CDH12: variants seen among roughly 807,000 people sequenced by gnomAD.
CDH12 encodes cadherin 12.
CDH12 carries 41 observed loss-of-function variants against 74.1 expected under a neutral mutation model. That is an observed-to-expected ratio of 0.55 (90% confidence interval 0.43 to 0.72). The LOEUF is 0.72. Ranked by LOEUF, CDH12 falls within the 30% of genes least tolerant of loss-of-function variation. The pLI is 0.00. For synonymous variants in CDH12, 399 were observed against 355.0 expected, an observed-to-expected ratio of 1.12 and a Z score of -1.39; for missense variants, 945 against 977.2, an observed-to-expected ratio of 0.97 and a Z score of 0.44.
At chr5:22,203,484 C>CCACT (rs1751035055) in intron 4 of CDH12, among the ~76,000 whole-genome samples, 1 of 152,082 alleles carries the variant, frequency 6.6e-6, no homozygotes, top group South Asian at 2.1e-4. Context: ...TTTTCCTTGT[C>CCACT]CACTCATCTG....
chr5:22,544,560 A>T (rs1373917939), intron 1 of CDH12, among the ~76,000 whole-genome samples: 1 of 152,150 alleles, frequency 6.6e-6, no homozygotes, highest in African/African-American at 2.4e-5. Flanking sequence ...TCACACCTAT[A>T]TTTCCAACAC....
At chr5:22,010,666 A>T (rs1021277441) in intron 5 of CDH12, among the ~76,000 whole-genome samples, 30 of 152,256 alleles carry the variant, frequency 2.0e-4, no homozygotes, top group African/African-American at 7.0e-4. Flanking sequence ...AATTGTCTGA[A>T]TCCAGCTTAT....
chr5:21,805,703 T>G (rs1403047971), intron 9 of CDH12, among the ~76,000 whole-genome samples: 1 of 152,092 alleles, frequency 6.6e-6, no homozygotes, highest in African/African-American at 2.4e-5. Context: ...CTGACTACCC[T>G]CCATTTTTGG....
chr5:22,752,562 TTTTTTTTTTTTC>T (rs1410200929), intron 1 of CDH12, among the ~76,000 whole-genome samples: 1,482 of 21,426 alleles, frequency 0.069, 367 homozygotes, highest in Non-Finnish European at 0.093. Flanking sequence ...TTTTTTTTTT[TTTTTTTTTTTTC>T]TTTTTTTTTT....
chr5:21,805,980 G>T (rs1417433449), intron 9 of CDH12, among the ~76,000 whole-genome samples: 1 of 152,070 alleles, frequency 6.6e-6, no homozygotes, highest in African/African-American at 2.4e-5. Context: ...TTCTCTTTAG[G>T]TTGTTTCTAT....
At chr5:22,552,862 T>C (rs2126736243) in intron 1 of CDH12, among the ~76,000 whole-genome samples, 1 of 152,310 alleles carries the variant, frequency 6.6e-6, no homozygotes, top group African/African-American at 2.4e-5. Flanking sequence ...ATTATTTATA[T>C]GAGAGAGAAA....
intron 5 of CDH12, among the ~76,000 whole-genome samples, chr5:22,036,949 T>C (rs1466998751): frequency 3.3e-5 from 5 of 152,222 alleles, no homozygotes; most frequent in Admixed American, 6.5e-5. Context: ...AAGTATGGAA[T>C]AAAAATTAAT....
intron 5 of CDH12, among the ~76,000 whole-genome samples, chr5:22,046,964 T>C (rs1225456592): frequency 6.6e-6 from 1 of 152,176 alleles, no homozygotes; most frequent in East Asian, 1.9e-4. Flanking sequence ...TTTGAGGATG[T>C]CTTCAGGGCT....
intron 3 of CDH12, among the ~76,000 whole-genome samples, chr5:22,286,596 A>G (rs1361015560): frequency 2.6e-5 from 4 of 152,162 alleles, no homozygotes; most frequent in Admixed American, 2.6e-4. Context: ...AATGATGAAT[A>G]TCACAGAAAT....
intron 6 of CDH12, among the ~76,000 whole-genome samples, chr5:21,899,325 C>T (rs1317160194): frequency 6.6e-6 from 1 of 152,152 alleles, no homozygotes; most frequent in Non-Finnish European, 1.5e-5. Flanking sequence ...GTCTGATTTA[C>T]CTTGCATTCC....
intron 1 of CDH12, among the ~76,000 whole-genome samples, chr5:22,817,407 T>C (rs946317499): frequency 1.3e-5 from 2 of 152,094 alleles, no homozygotes; most frequent in African/African-American, 4.8e-5. Flanking sequence ...TTTCAATAAT[T>C]TGACTTACAA....
intron 1 of CDH12, among the ~76,000 whole-genome samples, chr5:22,561,299 G>T (rs1739035299): frequency 6.6e-6 from 1 of 151,450 alleles, no homozygotes; most frequent in African/African-American, 2.4e-5. Context: ...ATTAAAAAAA[G>T]TTTTGTCCTT....
At chr5:22,641,662 A>G (rs201656941) in intron 1 of CDH12, among the ~76,000 whole-genome samples, 85 of 152,300 alleles carry the variant, frequency 5.6e-4, no homozygotes, top group African/African-American at 2.0e-3. Flanking sequence ...GGCCCTTTGC[A>G]CTAACCAAGG....
chr5:21,935,204 A>C (rs1356617505), intron 6 of CDH12, among the ~76,000 whole-genome samples: 1 of 152,094 alleles, frequency 6.6e-6, no homozygotes, highest in Non-Finnish European at 1.5e-5. Flanking sequence ...TAAGTTTCAA[A>C]ATTTACAGTG....
At chr5:21,832,508 T>C (rs1193649894) in intron 8 of CDH12, among the ~76,000 whole-genome samples, 1 of 151,782 alleles carries the variant, frequency 6.6e-6, no homozygotes, top group Non-Finnish European at 1.5e-5. Context: ...CACATGTATG[T>C]GACATTGTTA....
chr5:21,773,955 T>A (rs1009222000), intron 11 of CDH12, among the ~76,000 whole-genome samples: 25 of 152,322 alleles, frequency 1.6e-4, no homozygotes, highest in Non-Finnish European at 3.4e-4. Flanking sequence ...ATGTTAGGCA[T>A]AATTATGACC....
chr5:21,939,077 T>C (rs1183423409), intron 6 of CDH12, among the ~76,000 whole-genome samples: 3 of 151,606 alleles, frequency 2.0e-5, no homozygotes, highest in African/African-American at 4.8e-5. Context: ...AACATACACA[T>C]GTTATAGAAA....
chr5:22,715,634 C>G (rs1010196555), intron 1 of CDH12, among the ~76,000 whole-genome samples: 1 of 151,768 alleles, frequency 6.6e-6, no homozygotes, highest in Non-Finnish European at 1.5e-5. Flanking sequence ...GATCCCGTCT[C>G]TATTAAAAAT....
rs1002211069 is a variant in CDH12, at chr5:22,276,369, A to G, written c.-332-63726T>C. On this transcript the variant is annotated intron_variant, in intron 3 of 14. Coordinates refer to ENST00000382254, the MANE Select transcript of CDH12 (RefSeq NM_004061.5). ...AAATAAATACAAATCAGTTAATAAA[A>G]CATCCATAAGATACGTGTTTCAAGC... is the stretch of plus-strand genomic sequence containing the variant. Among the ~76,000 whole-genome samples the G allele has an allele frequency of 4.0e-4, 61 of 152,318 alleles. 1 individual carries two copies. Among genetic ancestry groups the G allele is most frequent in the African/African-American group, 1.4e-3 (57 of 41,572 alleles).
Sources: allele counts gnomAD v4.1 joint callset (sites outside exome capture counted in the v4.1 genomes callset), GRCh38; gene constraint gnomAD v4.1.1; transcripts MANE v1.5; gene names NCBI Gene and HGNC (gene_info 2026-07-23, HGNC 2026-07-21).